Variants in SF3B6 observed in about 807,000 individuals in gnomAD.
SF3B6 encodes the protein splicing factor 3b subunit 6.
Under a neutral mutation model 15.9 loss-of-function variants are expected in SF3B6, and 3 were observed. The observed-to-expected ratio is 0.19, with a 90% CI of 0.09 to 0.49. The LOEUF is 0.49. Among genes scored for constraint, SF3B6 ranks in the 20% least tolerant of loss-of-function variants. SF3B6 has a pLI of 0.97. For missense variants in SF3B6, 71 were observed against 154.3 expected, an observed-to-expected ratio of 0.46 and a Z score of 2.86; for synonymous variants, 49 against 51.1, an observed-to-expected ratio of 0.96 and a Z score of 0.18.
At chr2:24,075,605 G>A (rs1482578845) in intron 1 of SF3B6, among the ~76,000 whole-genome samples, 3 of 149,926 alleles carry the variant, frequency 2.0e-5, no homozygotes, top group East Asian at 3.9e-4. Flanking sequence ...AAAAGTTTCC[G>A]TAACACTGTA....
intron 1 of SF3B6, among the ~76,000 whole-genome samples, chr2:24,074,981 T>A (rs1431227024): frequency 1.3e-5 from 2 of 152,024 alleles, no homozygotes; most frequent in African/African-American, 2.4e-5. Context: ...ATACAAAAAT[T>A]AGCCGGGCAT....
intron 2 of SF3B6, among the ~76,000 whole-genome samples, chr2:24,069,916 C>T (rs1224843229): frequency 2.0e-5 from 3 of 152,158 alleles, no homozygotes; most frequent in East Asian, 3.8e-4. Context: ...TGATCTTATG[C>T]GTACTTCATT....
At chr2:24,069,808 G>C (rs369816494) in intron 2 of SF3B6, among the ~76,000 whole-genome samples, 3 of 152,158 alleles carry the variant, frequency 2.0e-5, no homozygotes, top group African/African-American at 7.2e-5. Context: ...CTGACGAGGG[G>C]TTTTAGAATG....
intron 2 of SF3B6, 34 bp from the exon 3 acceptor site, chr2:24,068,493 C>T: frequency 6.4e-7 from 1 of 1,566,080 alleles, no homozygotes; most frequent in Non-Finnish European, 8.7e-7. Context: ...TTAAGATATA[C>T]ATTTACCTGA....
chr2:24,069,171 A>G (rs1381505801), intron 2 of SF3B6, among the ~76,000 whole-genome samples: 1 of 152,228 alleles, frequency 6.6e-6, no homozygotes, highest in East Asian at 1.9e-4. Context: ...ATACAACTCA[A>G]GTGCTAATGC....
At chr2:24,071,516 A>T (rs533152553) in intron 2 of SF3B6, among the ~76,000 whole-genome samples, 154 of 152,260 alleles carry the variant, frequency 1.0e-3, no homozygotes, top group African/African-American at 3.4e-3. Context: ...GAGGCTGGAG[A>T]ACCACTTGAA....
chr2:24,070,978 T>C (rs567566084), intron 2 of SF3B6, among the ~76,000 whole-genome samples: 139 of 152,286 alleles, frequency 9.1e-4, no homozygotes, highest in African/African-American at 2.8e-3. Context: ...TAAATAAATA[T>C]GAAATCATTA....
At chr2:24,076,154 T>G (rs1340412942) in intron 1 of SF3B6, 46 bp downstream of exon 1, 1 of 1,613,540 alleles carries the variant, frequency 6.2e-7, no homozygotes, top group African/African-American at 1.3e-5. Context: ...GCTAAGAAAG[T>G]CAAACCCGAA....
At chr2:24,072,176 G>A (rs910642494) in intron 2 of SF3B6, among the ~76,000 whole-genome samples, 2 of 151,836 alleles carry the variant, frequency 1.3e-5, no homozygotes, top group East Asian at 1.9e-4. Context: ...TTTTAGAGAG[G>A]GGGTTTCACC....
intron 1 of SF3B6, among the ~76,000 whole-genome samples, 173 bp from the exon 2 acceptor site, chr2:24,074,367 A>C (rs1664700264): frequency 6.6e-6 from 1 of 152,170 alleles, no homozygotes; most frequent in African/African-American, 2.4e-5. Context: ...ATCTTTGAAA[A>C]AGCAACAGAG....
chr2:24,074,305 A>T (rs1206751077), intron 1 of SF3B6, 111 bp from the exon 2 acceptor site: 1 of 597,472 alleles, frequency 1.7e-6, no homozygotes, highest in Non-Finnish European at 2.9e-6. Context: ...GATACGTAAT[A>T]ATAAAAAGCC....
rs1221067377 is a variant in SF3B6 at position 24,068,318 on chromosome 2, T to A, written c.288+3A>T. On this transcript the variant is annotated splice_donor_region_variant and intron_variant, in intron 3 of 3. Coordinates refer to ENST00000233468, the MANE Select transcript of SF3B6 (RefSeq NM_016047.4). ...TACACAATGAGAACTTTGCTATACTTACCCTGTTGGCATTATAGTACAAAA... is the reference window on the plus strand; with the variant it reads ...TACACAATGAGAACTTTGCTATACTAACCCTGTTGGCATTATAGTACAAAA... The A allele has an allele frequency of 6.2e-7, 1 of 1,611,590 alleles. No individual in the cohort carries two copies. Among genetic ancestry groups the A allele is most frequent in the South Asian group, 1.1e-5 (1 of 90,630 alleles).
intron 1 of SF3B6, among the ~76,000 whole-genome samples, chr2:24,075,359 GT>G (rs776683939): frequency 0.036 from 2,604 of 72,714 alleles, 62 homozygotes; most frequent in African/African-American, 0.1. Context: ...CTTTCTTTCT[GT>G]TTTTTTTTTT....
intron 2 of SF3B6, among the ~76,000 whole-genome samples, chr2:24,068,699 T>C (rs1664602568): frequency 6.6e-6 from 1 of 152,222 alleles, no homozygotes; most frequent in Admixed American, 6.5e-5. Context: ...TTATCTTAAC[T>C]AAAATATCCA....
intron 1 of SF3B6, among the ~76,000 whole-genome samples, chr2:24,074,410 G>A (rs1475062083): frequency 6.6e-6 from 1 of 152,150 alleles, no homozygotes; most frequent in Non-Finnish European, 1.5e-5. Context: ...TATAATCCCA[G>A]CACTTTGGGA....
At chr2:24,073,370 A>G (rs1395824447) in intron 2 of SF3B6, among the ~76,000 whole-genome samples, 1 of 152,208 alleles carries the variant, frequency 6.6e-6, no homozygotes, top group Non-Finnish European at 1.5e-5. Context: ...TAGAGGTTCA[A>G]TTTAGAGTCA....
In SF3B6 at chr2:24,067,858, A is replaced by G; in HGVS notation, c.289-7T>C. On this transcript the variant is annotated splice_region_variant and splice_polypyrimidine_tract_variant and intron_variant, in intron 3 of 3. Coordinates refer to ENST00000233468, the MANE Select transcript of SF3B6 (RefSeq NM_016047.4). ...TGTCCATCTTCTGAAATGCCTGGAA[A>G]TGTGGTAAGCACCAAAATTAAATTA... 6.2e-7 allele frequency: 1 copy of G among 1,612,684 alleles called. No homozygotes were observed. The highest frequency in any genetic ancestry group is 1.3e-5 in the African/African-American group (1 of 75,016).
Position 24,074,011 on chromosome 2 carries a change from T to C in SF3B6, c.149+65A>G, listed in dbSNP as rs538737998. On this transcript the variant is annotated intron_variant, in intron 2 of 3. Coordinates refer to ENST00000233468, the MANE Select transcript of SF3B6 (RefSeq NM_016047.4). ...CACACAGCACAGGGTGGCCTCATCG[T>C]CAGCTATAATTCTGAAATTACAGAT... 3.9e-4 allele frequency: 416 copies of C among 1,056,642 alleles called. 1 individual carries two copies. The highest frequency in any genetic ancestry group is 5.2e-4 in the Non-Finnish European group (352 of 677,126). 65.5% of individuals were successfully genotyped at this position (1,056,642 alleles called of 1,614,324 possible). A position where few individuals can be genotyped will look rare whatever the true frequency, so the allele number is the denominator to read the frequency against.
rs182310491 is a variant in SF3B6, at chr2:24,071,165, G to A, written c.150-2706C>T. The stretch of plus-strand genomic sequence containing the variant: ...GCACCACCACGCCTGGCTAAGTTTT[G>A]TATTTTTAGTAGAGACGAGGTTTCA... On this transcript the variant is annotated intron_variant, in intron 2 of 3. Transcript: ENST00000233468. Among the ~76,000 whole-genome samples the A allele has an allele frequency of 3.8e-3, 580 of 151,688 alleles. 4 individuals carry two copies. Among genetic ancestry groups the A allele is most frequent in the African/African-American group, 0.013 (558 of 41,372 alleles).
Sources: gnomAD v4.1 joint callset for allele counts (sites outside exome capture counted in the v4.1 genomes callset) on GRCh38, gnomAD v4.1.1 for gene constraint, MANE v1.5 for transcripts, NCBI Gene and HGNC (gene_info 2026-07-23, HGNC 2026-07-21) for gene names.